Variants in WDR73 observed in about 807,000 individuals in gnomAD.
WDR73 encodes the protein WD repeat domain 73.
WDR73 carries 30 observed loss-of-function variants against 38.2 expected under a neutral mutation model. That is an observed-to-expected ratio of 0.79 (90% CI 0.59 to 1.06). The LOEUF is 1.06. Among genes scored for constraint, WDR73 ranks in the 50% least tolerant of loss-of-function variants. The probability of loss-of-function intolerance (pLI) is 0.00; values close to 1 mark genes in which losing one functional copy is unlikely to be tolerated. For missense variants in WDR73, 487 were observed against 467.0 expected, an observed-to-expected ratio of 1.04 and a Z score of -0.40; for synonymous variants, 197 against 176.0, an observed-to-expected ratio of 1.12 and a Z score of -0.94.
chr15:84,649,070 A>G (rs1224739400), intron 3 of WDR73, among the ~76,000 whole-genome samples: 1 of 152,192 alleles, frequency 6.6e-6, no homozygotes, highest in African/African-American at 2.4e-5. Flanking sequence ...ATCACATTTA[A>G]TTCTTACAAC....
Position 84,643,479 on chromosome 15 carries a change from G to T in WDR73, c.1128C>A (p.Ala376=), listed in dbSNP as rs201023994. 115 of 1,555,890 alleles carry T rather than the reference G, an allele frequency of 7.4e-5. No homozygotes were observed. Among genetic ancestry groups the T allele is most frequent in the Non-Finnish European group, 9.7e-5 (111 of 1,149,554 alleles). ...LHVWDWVDLC[A]PR ...TGGAAAGATGCTGGTGTCAGCGGGGGGCACAAAGGTCCACCCAGTCCCACA... is the reference window on the plus strand; with the variant it reads ...TGGAAAGATGCTGGTGTCAGCGGGGTGCACAAAGGTCCACCCAGTCCCACA... The change falls in exon 8 of 8, where the codon GCC becomes GCA. Residue 376 remains alanine (A), a synonymous_variant. Transcript: ENST00000434634.
chr15:84,650,769 G>C (rs968211155), intron 3 of WDR73, among the ~76,000 whole-genome samples: 4 of 152,124 alleles, frequency 2.6e-5, no homozygotes, highest in Admixed American at 6.6e-5. Flanking sequence ...CCAAGGTGCT[G>C]GGATTACAGG....
intron 2 of WDR73, chr15:84,653,039 C>G: frequency 2.6e-6 from 1 of 392,114 alleles, no homozygotes; most frequent in South Asian, 6.4e-5. Context: ...CCACCACAGC[C>G]TTCAGAGTAG....
intron 2 of WDR73, chr15:84,653,396 CTGACCTCAGG>C (rs1474746026): frequency 4.8e-6 from 2 of 420,632 alleles, no homozygotes; most frequent in Admixed American, 7.1e-5. Context: ...TCTCGAACTC[CTGACCTCAGG>C]TGATCCGCCT....
At chr15:84,654,090 G>T in intron 1 of WDR73, 144 bp downstream of exon 1, 1 of 1,091,634 alleles carries the variant, frequency 9.2e-7, no homozygotes, top group South Asian at 1.3e-5. Context: ...CCTAGGCCCA[G>T]GCGGAGTCCT....
chr15:84,649,384 GAGATGGGGA>G (rs1410525485), intron 3 of WDR73, among the ~76,000 whole-genome samples: 33 of 152,304 alleles, frequency 2.2e-4, no homozygotes, highest in African/African-American at 7.9e-4. Context: ...AGCCTGACTG[GAGATGGGGA>G]AGATGAAGAA....
intron 3 of WDR73, among the ~76,000 whole-genome samples, chr15:84,651,578 G>C (rs567450867): frequency 6.6e-6 from 1 of 152,196 alleles, no homozygotes; most frequent in Admixed American, 6.5e-5. Flanking sequence ...TCTATTCCTG[G>C]AAGCAGGAGC....
chr15:84,648,150 T>C, intron 4 of WDR73, 196 bp from the exon 5 acceptor site: 1 of 622,758 alleles, frequency 1.6e-6, no homozygotes, highest in Non-Finnish European at 2.9e-6. Context: ...GAGCCCAAGC[T>C]TCCATGTGTC....
Position 84,644,842 on chromosome 15 carries a change from G to A in WDR73, c.883+629C>T, listed in dbSNP as rs571292149. 1.4e-4 allele frequency: 22 copies of A among 152,618 alleles called. 1 individual carries two copies. The South Asian group carries it at 4.3e-3, about 30-fold the overall frequency. The allele number at this position is 152,618 out of a possible 1,614,324, so 9.5% of individuals were successfully genotyped here. A position where few individuals can be genotyped will look rare whatever the true frequency, so the allele number is the denominator to read the frequency against. ...TCCACCCGCCTCGACCTCCCAAAGTGCTGGGATTATAGGTGTGAGCCACCG... is the reference window on the plus strand; with the variant it reads ...TCCACCCGCCTCGACCTCCCAAAGTACTGGGATTATAGGTGTGAGCCACCG... On this transcript the variant is annotated intron_variant, in intron 7 of 7. Coordinates refer to ENST00000434634, the MANE Select transcript of WDR73 (RefSeq NM_032856.5).
chr15:84,648,530 A>G lies in WDR73; in HGVS notation c.287+7T>C. On this transcript the variant is annotated splice_region_variant and intron_variant, in intron 4 of 7. Coordinates refer to ENST00000434634, the MANE Select transcript of WDR73 (RefSeq NM_032856.5). ...TGTGGATGGCTGGATCACAAAATTGACCATACCTGGTATGTGGCACATGCT... is the reference window on the plus strand; with the variant it reads ...TGTGGATGGCTGGATCACAAAATTGGCCATACCTGGTATGTGGCACATGCT... 1 of 1,609,706 alleles carries G rather than the reference A, an allele frequency of 6.2e-7. No individual in the cohort carries two copies. Among genetic ancestry groups the G allele is most frequent in the Non-Finnish European group, 8.5e-7 (1 of 1,176,024 alleles).
At chr15:84,654,131 G>A (rs1040616336) in intron 1 of WDR73, 103 bp downstream of exon 1, 5 of 1,498,264 alleles carry the variant, frequency 3.3e-6, no homozygotes, top group Non-Finnish European at 4.6e-6. Flanking sequence ...GCCACAGCTG[G>A]CCCACTCTGC....
intron 5 of WDR73, 76 bp downstream of exon 5, chr15:84,647,814 G>T: frequency 7.0e-7 from 1 of 1,426,262 alleles, no homozygotes; most frequent in Non-Finnish European, 9.9e-7. Context: ...TTCTTAACTG[G>T]CTCAGATTAG....
chr15:84,653,304 G>T, intron 2 of WDR73: 1 of 261,154 alleles, frequency 3.8e-6, no homozygotes, highest in African/African-American at 2.2e-5. Flanking sequence ...AGTAGCTGCT[G>T]GTACACAGGT....
At position 84,646,288 on chromosome 15, in the gene WDR73, C is replaced by T. The variant is rs1896459966; in HGVS notation, c.413G>A (p.Arg138Lys). The change falls in exon 6 of 8, where the codon AGG (arginine) becomes AAG (lysine). Residue 138 changes from arginine to lysine, a missense_variant. Physicochemically the swap from Arg to Lys is conservative, Grantham distance 26. Coordinates refer to ENST00000434634, the MANE Select transcript of WDR73 (RefSeq NM_032856.5). ...TGCCAATGTGGAGAAGACGGCCACC[C>T]TAGGCCAGAGACTCTCCTCTTTCTC... ...VHEKEESLWP[R>K]VAVFSTLAPG... The T allele has an allele frequency of 6.2e-7, 1 of 1,613,984 alleles. No homozygotes were observed. Among genetic ancestry groups the T allele is most frequent in the Non-Finnish European group, 8.5e-7 (1 of 1,179,884 alleles).
At chr15:84,649,811 T>C (rs916183457) in intron 3 of WDR73, among the ~76,000 whole-genome samples, 17 of 152,164 alleles carry the variant, frequency 1.1e-4, no homozygotes, top group Non-Finnish European at 2.1e-4. Flanking sequence ...GGGCTTGCCA[T>C]GTTGTCCAGG....
chr15:84,645,546 A>C lies in WDR73; in HGVS notation c.808T>G (p.Ser270Ala). ...AGCTCTGGGTCAGGGCTAGGTACGG[A>C]TACTGGGCACTGGACTGAGCTCACA... The part of the protein sequence containing the change: ...HPVSSVQCPV[S>A]VPSPDPELLR... Residue 270 changes from serine (S) to alanine (A), a missense_variant, in exon 7 of 8, where the codon TCC (serine) becomes GCC (alanine). Ser to Ala is a moderately conservative substitution (Grantham distance 99). Transcript: ENST00000434634. The C allele has an allele frequency of 1.2e-6, 2 of 1,612,106 alleles. No individual in the cohort carries two copies. The highest frequency in any genetic ancestry group is 1.7e-6 in the Non-Finnish European group (2 of 1,179,052).
In WDR73 at chr15:84,647,883, C is replaced by G. The variant is rs756316415; in HGVS notation, c.352+7G>C. ...ACCCCAAACCCCATCAAGTCAAATT[C>G]ACTCACCACTGTCCTCTGCAACCTG... On this transcript the variant is annotated splice_region_variant and intron_variant, in intron 5 of 7. Transcript: ENST00000434634. The G allele has an allele frequency of 3.7e-6, 6 of 1,613,918 alleles. No homozygotes were observed. The East Asian group carries it at 1.1e-4, about 30-fold the overall frequency.
At chr15:84,648,698 G>A (rs947549095) in intron 3 of WDR73, 73 bp from the exon 4 acceptor site, 113 of 1,229,718 alleles carry the variant, frequency 9.2e-5, no homozygotes, top group Non-Finnish European at 1.2e-4. Flanking sequence ...TAAGTGAGGA[G>A]TCAGGTCCTA....
chr15:84,654,210 A>G lies in WDR73; in HGVS notation c.41+24T>C, dbSNP rs371970800. 2.1e-4 allele frequency: 330 copies of G among 1,603,768 alleles called. 1 individual carries two copies. In the African/African-American group the frequency reaches 4.0e-3, roughly 19 times the overall value. ...CAGGCAAGCTCCAGGCCCAGCTCCC[A>G]TGTCCCAGCCCCGTACGATTTACAA... On this transcript the variant is annotated intron_variant, in intron 1 of 7. Coordinates refer to ENST00000434634, the MANE Select transcript of WDR73 (RefSeq NM_032856.5).
Sources: gnomAD v4.1 joint callset for allele counts (sites outside exome capture counted in the v4.1 genomes callset) on GRCh38, gnomAD v4.1.1 for gene constraint, MANE v1.5 for transcripts, NCBI Gene and HGNC (gene_info 2026-07-23, HGNC 2026-07-21) for gene names.